The following RGS8 variants were observed in gnomAD, a reference collection of about 807,000 sequenced individuals.
The protein encoded by RGS8 is regulator of G protein signaling 8.
RGS8 carries 8 observed loss-of-function variants against 21.7 expected under a neutral mutation model. The observed-to-expected ratio is 0.37, with a 90% confidence interval of 0.22 to 0.66. RGS8 has a LOEUF of 0.66. Among genes scored for constraint, RGS8 ranks in the 30% least tolerant of loss-of-function variants. The probability of loss-of-function intolerance (pLI) is 0.59; values close to 1 mark genes in which losing one functional copy is unlikely to be tolerated. For missense variants in RGS8, 157 were observed against 217.9 expected, an observed-to-expected ratio of 0.72 and a Z score of 1.76; for synonymous variants, 80 against 83.6, an observed-to-expected ratio of 0.96 and a Z score of 0.24.
the RGS8 span, among the ~76,000 whole-genome samples, chr1:182,735,187 G>C: frequency 2.0e-5 from 3 of 152,016 alleles, no homozygotes; most frequent in Non-Finnish European, 4.4e-5. Context: ...AATGAATAGT[G>C]AATTTTTTTT....
chr1:182,718,169 G>C, the RGS8 span, among the ~76,000 whole-genome samples: 1 of 152,216 alleles, frequency 6.6e-6, no homozygotes, highest in African/African-American at 2.4e-5. Flanking sequence ...AGGTAAGAGA[G>C]AGTTGGAATA....
chr1:182,713,908 A>G, the RGS8 span, among the ~76,000 whole-genome samples: 9 of 152,258 alleles, frequency 5.9e-5, no homozygotes, highest in South Asian at 2.1e-4. Context: ...TACATAAAAC[A>G]GAAACAAGAA....
intron 5 of RGS8, among the ~76,000 whole-genome samples, chr1:182,657,135 A>G (rs906246246): frequency 1.3e-5 from 2 of 149,906 alleles, no homozygotes; most frequent in African/African-American, 4.9e-5. Flanking sequence ...CCAAGCAAAC[A>G]AATCCAAACA....
chr1:182,708,566 C>T, the RGS8 span, among the ~76,000 whole-genome samples: 2 of 152,216 alleles, frequency 1.3e-5, no homozygotes, highest in African/African-American at 2.4e-5. Flanking sequence ...TGTCTTTAAG[C>T]GGAAGAAATA....
the RGS8 span, among the ~76,000 whole-genome samples, chr1:182,703,610 A>G: frequency 6.6e-6 from 1 of 152,258 alleles, no homozygotes; most frequent in Non-Finnish European, 1.5e-5. Flanking sequence ...TACAGAACCA[A>G]TATCAGCTAT....
intron 5 of RGS8, among the ~76,000 whole-genome samples, chr1:182,651,345 G>A (rs1423146895): frequency 6.6e-6 from 1 of 152,184 alleles, no homozygotes; most frequent in Non-Finnish European, 1.5e-5. Context: ...GCTCAGCCGA[G>A]CCTACCCTAA....
At chr1:182,734,163 C>T in the RGS8 span, among the ~76,000 whole-genome samples, 4 of 152,016 alleles carry the variant, frequency 2.6e-5, no homozygotes, top group African/African-American at 4.8e-5. Context: ...TCAGGCAATC[C>T]GCCCGCCTCA....
chr1:182,718,116 G>A, the RGS8 span, among the ~76,000 whole-genome samples: 971 of 152,284 alleles, frequency 6.4e-3, 13 homozygotes, highest in African/African-American at 0.022. Flanking sequence ...ACCTCACATC[G>A]TGGGGGCCAA....
chr1:182,722,363 CAAAAAAA>C, the RGS8 span, among the ~76,000 whole-genome samples: 29 of 79,408 alleles, frequency 3.7e-4, no homozygotes, highest in African/African-American at 5.0e-5. Context: ...AGCAAATTAC[CAAAAAAA>C]AAAAAAAAAA....
At chr1:182,668,607 G>C (rs990194226) in intron 3 of RGS8, among the ~76,000 whole-genome samples, 46 of 152,156 alleles carry the variant, frequency 3.0e-4, no homozygotes, top group African/African-American at 1.1e-3. Context: ...CCTAGGGCTG[G>C]AACATCCAAG....
chr1:182,721,654 T>C, the RGS8 span, among the ~76,000 whole-genome samples: 1 of 152,212 alleles, frequency 6.6e-6, no homozygotes, highest in African/African-American at 2.4e-5. Context: ...TTTATGTATA[T>C]TAAGTCATTT....
At chr1:182,721,879 T>C in the RGS8 span, among the ~76,000 whole-genome samples, 6 of 152,348 alleles carry the variant, frequency 3.9e-5, no homozygotes, top group South Asian at 8.3e-4. Flanking sequence ...ATCACATGTA[T>C]ATACAATTCC....
downstream of RGS8, chr1:182,645,018 TG>T (rs1408704561): frequency 6.6e-6 from 1 of 152,214 alleles, no homozygotes; most frequent in Non-Finnish European, 1.5e-5. Context: ...AGCAGTGCAG[TG>T]GCCCTAGCAC....
At chr1:182,729,222 G>T in the RGS8 span, among the ~76,000 whole-genome samples, 1 of 152,208 alleles carries the variant, frequency 6.6e-6, no homozygotes, top group Non-Finnish European at 1.5e-5. Context: ...ATGCTGGCTT[G>T]TGAGTAACTT....
At chr1:182,710,426 A>G in the RGS8 span, among the ~76,000 whole-genome samples, 1 of 151,948 alleles carries the variant, frequency 6.6e-6, no homozygotes, top group Non-Finnish European at 1.5e-5. Context: ...ATAACCCCCT[A>G]TGGCTCTGTG....
the RGS8 span, among the ~76,000 whole-genome samples, chr1:182,728,340 G>C: frequency 6.6e-6 from 1 of 152,294 alleles, no homozygotes; most frequent in South Asian, 2.1e-4. Flanking sequence ...TCCTGATAGC[G>C]TCAGAGTACA....
chr1:182,724,224 A>ATG, the RGS8 span, among the ~76,000 whole-genome samples: 1 of 110,926 alleles, frequency 9.0e-6, no homozygotes, highest in Non-Finnish European at 2.0e-5. Flanking sequence ...ATATATATAT[A>ATG]TATATATATA....
chr1:182,689,982 A>G, the RGS8 span, among the ~76,000 whole-genome samples: 1 of 151,992 alleles, frequency 6.6e-6, no homozygotes, highest in Admixed American at 6.6e-5. Flanking sequence ...GACTTCATTC[A>G]TTTTTCTTAT....
At chr1:182,736,255 T>C in the RGS8 span, among the ~76,000 whole-genome samples, 1 of 152,202 alleles carries the variant, frequency 6.6e-6, no homozygotes, top group South Asian at 2.1e-4. Flanking sequence ...AATTAGGAAA[T>C]ACTGGATTAA....
Sources: allele counts gnomAD v4.1 joint callset (sites outside exome capture counted in the v4.1 genomes callset), GRCh38; gene constraint gnomAD v4.1.1; transcripts MANE v1.5; gene names NCBI Gene and HGNC (gene_info 2026-07-23, HGNC 2026-07-21).